CNTN6: variants seen among roughly 807,000 people sequenced by gnomAD.
CNTN6 encodes contactin 6.
In CNTN6, 137 loss-of-function variants were observed where a neutral mutation model predicts 122.8. The ratio of observed to expected loss-of-function variants is 1.12; its 90% CI spans 0.97 to 1.29. The LOEUF (loss-of-function observed/expected upper bound fraction) is 1.29, where lower values mean the gene tolerates loss of function less well. Ranked by LOEUF, CNTN6 falls within the 50% of genes most tolerant of loss-of-function variation. CNTN6 has a pLI of 0.00. For synonymous variants in CNTN6, 570 were observed against 426.0 expected, an observed-to-expected ratio of 1.34 and a Z score of -4.16; for missense variants, 1,634 against 1,223.4, an observed-to-expected ratio of 1.34 and a Z score of -5.01.
intron 4 of CNTN6, among the ~76,000 whole-genome samples, chr3:1,266,508 A>C (rs1027928879): frequency 6.6e-6 from 1 of 152,210 alleles, no homozygotes; most frequent in Non-Finnish European, 1.5e-5. Flanking sequence ...CGCTTCTTGT[A>C]TAAACAGGAG....
chr3:1,252,359 C>G (rs1299294658), intron 4 of CNTN6, among the ~76,000 whole-genome samples: 1 of 152,092 alleles, frequency 6.6e-6, no homozygotes, highest in Non-Finnish European at 1.5e-5. Flanking sequence ...GTTTTTACTA[C>G]AATTGTGATT....
chr3:1,129,076 A>C (rs2125091736), intron 1 of CNTN6, among the ~76,000 whole-genome samples: 1 of 152,192 alleles, frequency 6.6e-6, no homozygotes, highest in East Asian at 1.9e-4. Context: ...TAGAATACTA[A>C]TGTAGCTAAT....
At chr3:1,133,081 C>G (rs147567800) in intron 1 of CNTN6, among the ~76,000 whole-genome samples, 78 of 152,130 alleles carry the variant, frequency 5.1e-4, no homozygotes, top group Non-Finnish European at 9.1e-4. Flanking sequence ...GAAAAATACA[C>G]CAAGCAATAT....
At chr3:1,390,472 T>C (rs1370909889) in intron 20 of CNTN6, among the ~76,000 whole-genome samples, 8 of 151,458 alleles carry the variant, frequency 5.3e-5, no homozygotes, top group African/African-American at 1.9e-4. Context: ...AGATCCAAAA[T>C]TGACACCCTA....
intron 11 of CNTN6, among the ~76,000 whole-genome samples, chr3:1,334,114 C>T (rs781705057): frequency 4.6e-5 from 7 of 152,214 alleles, no homozygotes; most frequent in African/African-American, 7.2e-5. Context: ...AAGTGTTTCT[C>T]GAACCAAAAA....
At chr3:1,374,468 A>G (rs1034642305) in intron 16 of CNTN6, among the ~76,000 whole-genome samples, 20 of 152,082 alleles carry the variant, frequency 1.3e-4, no homozygotes, top group African/African-American at 4.6e-4. Flanking sequence ...ATTTTCATCT[A>G]TTTCTCAACT....
Position 1,243,631 on chromosome 3 carries a change from A to T in CNTN6, c.358+15638A>T, listed in dbSNP as rs1268194763. Among the ~76,000 whole-genome samples the T allele has an allele frequency of 2.6e-5, 4 of 152,236 alleles. No homozygotes were observed. The East Asian group carries it at 5.8e-4, about 22-fold the overall frequency. Reference sequence around the variant, plus strand: ...TGGATTTTTATATTTGATGAAAAAGAGCCTAAACGCTATCTGATTTGGGAT... The same window carrying T: ...TGGATTTTTATATTTGATGAAAAAGTGCCTAAACGCTATCTGATTTGGGAT... On this transcript the variant is annotated intron_variant, in intron 4 of 22. Transcript: ENST00000446702.
At chr3:1,191,076 C>A (rs943487655) in intron 2 of CNTN6, among the ~76,000 whole-genome samples, 6 of 152,012 alleles carry the variant, frequency 3.9e-5, no homozygotes, top group Non-Finnish European at 8.8e-5. Flanking sequence ...AGTCTCTGTC[C>A]CTGGTTCTAA....
intron 2 of CNTN6, among the ~76,000 whole-genome samples, chr3:1,163,828 G>C (rs1243993825): frequency 1.3e-5 from 2 of 152,206 alleles, no homozygotes; most frequent in Non-Finnish European, 2.9e-5. Flanking sequence ...TGAAACACAT[G>C]ATTAGCAGCT....
Position 1,318,159 on chromosome 3 carries a change from GTTTC to G in CNTN6, c.762-3484_762-3481del, listed in dbSNP as rs753468440. Among the ~76,000 whole-genome samples, 8 of 151,626 alleles carry G rather than the reference GTTTC, an allele frequency of 5.3e-5. No individual in the cohort carries two copies. The South Asian group carries it at 6.2e-4, about 12-fold the overall frequency. On this transcript the variant is annotated intron_variant, in intron 7 of 22. Transcript: ENST00000446702. ...GAAAAAGAAAGAAAATTCTAGAGGA[GTTTC>G]TTTCTTAGTGAGATTTTCTTGTCTC...
chr3:1,202,266 C>T (rs554984933), intron 2 of CNTN6, among the ~76,000 whole-genome samples: 2 of 152,230 alleles, frequency 1.3e-5, no homozygotes, highest in African/African-American at 2.4e-5. Flanking sequence ...TTGGGCCGGG[C>T]GCGGTGGCTC....
At chr3:1,157,133 T>G (rs996052238) in intron 2 of CNTN6, among the ~76,000 whole-genome samples, 5 of 151,902 alleles carry the variant, frequency 3.3e-5, no homozygotes, top group Non-Finnish European at 5.9e-5. Flanking sequence ...ATAGGGAAAC[T>G]GGGGTATCCA....
intron 4 of CNTN6, among the ~76,000 whole-genome samples, chr3:1,268,990 A>C (rs2094976525): frequency 6.6e-6 from 1 of 152,012 alleles, no homozygotes; most frequent in African/African-American, 2.4e-5. Context: ...CAAAAGTTAT[A>C]AAATAAATAA....
chr3:1,245,235 TACACACACACA>T (rs2094551603), intron 4 of CNTN6, among the ~76,000 whole-genome samples: 2 of 6,928 alleles, frequency 2.9e-4, no homozygotes, highest in African/African-American at 2.0e-3. Context: ...TATATATATA[TACACACACACA>T]TATATATATA....
intron 1 of CNTN6, among the ~76,000 whole-genome samples, chr3:1,140,477 C>T (rs947937605): frequency 1.3e-5 from 2 of 152,144 alleles, no homozygotes; most frequent in African/African-American, 4.8e-5. Context: ...AACTACTTAT[C>T]TCCTCTAGGC....
At chr3:1,321,015 G>A (rs1056521117) in intron 7 of CNTN6, among the ~76,000 whole-genome samples, 50 of 151,250 alleles carry the variant, frequency 3.3e-4, no homozygotes, top group African/African-American at 1.1e-3. Flanking sequence ...TTTTTAAATC[G>A]TATATAAATG....
At chr3:1,257,411 C>T (rs191801915) in intron 4 of CNTN6, among the ~76,000 whole-genome samples, 1 of 152,106 alleles carries the variant, frequency 6.6e-6, no homozygotes, top group Admixed American at 6.6e-5. Flanking sequence ...CATGCAGAAA[C>T]ATTATTTAAG....
chr3:1,247,741 C>G (rs2094602417), intron 4 of CNTN6, among the ~76,000 whole-genome samples: 1 of 152,062 alleles, frequency 6.6e-6, no homozygotes, highest in Admixed American at 6.6e-5. Context: ...GATTATAGTC[C>G]CCTCACAGAC....
In CNTN6 at chr3:1,221,723, T is replaced by C. The variant is rs535957209; in HGVS notation, c.182+910T>C. On this transcript the variant is annotated intron_variant, in intron 3 of 22. Transcript: ENST00000446702. ...AAATATATGCATACGTAAATATTCA[T>C]AGGTAAATACTACAGATATTTAGTT... 9.9e-4 allele frequency among the ~76,000 whole-genome samples: 151 copies of C among 152,330 alleles called. 3 individuals carry two copies. The highest frequency in any genetic ancestry group is 3.4e-3 in the African/African-American group (143 of 41,588).
Sources: allele counts gnomAD v4.1 joint callset (sites outside exome capture counted in the v4.1 genomes callset), GRCh38; gene constraint gnomAD v4.1.1; transcripts MANE v1.5; gene names NCBI Gene and HGNC (gene_info 2026-07-23, HGNC 2026-07-21).